Variants in MYH7B observed in about 807,000 individuals in gnomAD.
MYH7B encodes the protein myosin-7B.
A neutral mutation model predicts 234.5 loss-of-function variants in MYH7B; 205 were observed. That is an observed-to-expected ratio of 0.87 (90% CI 0.78 to 0.98). The LOEUF (loss-of-function observed/expected upper bound fraction) is 0.98. MYH7B is among the 50% of genes least tolerant of loss of function. MYH7B has a pLI of 0.00. For missense variants in MYH7B, 2,652 were observed against 2,633.4 expected (o/e 1.01, Z -0.15); for synonymous variants, 1,193 against 1,105.0 (o/e 1.08, Z -1.58).
chr20:34,965,565 G>C (rs1160393471), intron 2 of MYH7B, among the ~76,000 whole-genome samples: 1 of 152,260 alleles, frequency 6.6e-6, no homozygotes, highest in Non-Finnish European at 1.5e-5. Context: ...TGGGTCTCAA[G>C]AAAGACCTGT....
At chr20:34,982,235 C>G (rs1031054959) in intron 9 of MYH7B, among the ~76,000 whole-genome samples, 1 of 152,116 alleles carries the variant, frequency 6.6e-6, no homozygotes, top group Non-Finnish European at 1.5e-5. Context: ...AAGTGCCGGG[C>G]ACTGAGTTAG....
At chr20:34,984,079 G>C (rs1004189464) in intron 10 of MYH7B, among the ~76,000 whole-genome samples, 19 of 152,234 alleles carry the variant, frequency 1.2e-4, no homozygotes, top group Non-Finnish European at 2.4e-4. Flanking sequence ...CTGACTTGCT[G>C]TGTGGCCTTG....
intron 2 of MYH7B, among the ~76,000 whole-genome samples, chr20:34,972,776 C>T (rs1007216117): frequency 5.3e-5 from 8 of 152,036 alleles, no homozygotes; most frequent in African/African-American, 1.9e-4. Context: ...AGATTGTAGG[C>T]GTGTACCATC....
rs762141711 is a variant in MYH7B at position 34,998,522 on chromosome 20, C to T, written c.3886C>T (p.Arg1296Cys). 26 of 1,613,410 alleles carry T rather than the reference C, an allele frequency of 1.6e-5. No homozygotes were observed. The highest frequency in any genetic ancestry group is 1.1e-4 in the African/African-American group (8 of 74,952). Reference sequence around the variant, plus strand: ...CTCTTTGCCTGCAGGGGAGCTGAGTCGCCTGCTAGAGGAGAAGGAGTGTCT... The same window carrying T: ...CTCTTTGCCTGCAGGGGAGCTGAGTTGCCTGCTAGAGGAGAAGGAGTGTCT... The change falls in exon 34 of 45, where the codon CGC becomes TGC. Residue 1296 changes from arginine (R) to cysteine (C), a missense_variant. Around this residue, in one of 3 missense-constraint regions of MYH7B, gnomAD observed 2,279 missense variants for 2,211.4 expected, o/e 1.03. Transcript: ENST00000262873.
intron 37 of MYH7B, 39 bp from the exon 38 acceptor site, chr20:34,999,752 C>CCA: frequency 3.3e-6 from 1 of 305,238 alleles, no homozygotes; most frequent in Non-Finnish European, 4.5e-6. Context: ...ACTGGCCATC[C>CCA]CCCCCCCCCA....
chr20:34,984,674 T>A lies in MYH7B; in HGVS notation c.625-18T>A, dbSNP rs1343955125. The A allele has an allele frequency of 6.2e-7, 1 of 1,602,356 alleles. No homozygotes were observed. The highest frequency in any genetic ancestry group is 1.1e-5 in the South Asian group (1 of 89,520). On this transcript the variant is annotated intron_variant, in intron 10 of 44. Transcript: ENST00000262873. Reference sequence around the variant, plus strand: ...CCGGAGGCCTGGCCCTCTAATGTTGTCTGTCTTCTTCCCCCAGCAATTTCT... The same window carrying A: ...CCGGAGGCCTGGCCCTCTAATGTTGACTGTCTTCTTCCCCCAGCAATTTCT...
At position 34,979,646 on chromosome 20, in the gene MYH7B, C is replaced by G. The variant is rs2081910793; in HGVS notation, c.199-15C>G. The G allele has an allele frequency of 6.2e-7, 1 of 1,613,830 alleles. No homozygotes were observed. The highest frequency in any genetic ancestry group is 8.5e-7 in the Non-Finnish European group (1 of 1,179,932). On this transcript the variant is annotated splice_polypyrimidine_tract_variant and intron_variant, in intron 6 of 44. Transcript: ENST00000262873. ...CCTCCCGGTCCCCCGGCCCCTGACACGATCTCCCTGGTAGGTGCTGATGGT... is the reference window on the plus strand; with the variant it reads ...CCTCCCGGTCCCCCGGCCCCTGACAGGATCTCCCTGGTAGGTGCTGATGGT...
intron 16 of MYH7B, 85 bp downstream of exon 16, chr20:34,987,372 C>A: frequency 6.4e-7 from 1 of 1,557,840 alleles, no homozygotes; most frequent in Non-Finnish European, 8.7e-7. Context: ...TGTCCACAAC[C>A]TTTAACCTCA....
chr20:34,985,623 C>T (rs1168360860), intron 13 of MYH7B, among the ~76,000 whole-genome samples: 1 of 152,060 alleles, frequency 6.6e-6, no homozygotes, highest in Non-Finnish European at 1.5e-5. Flanking sequence ...AGGCCACACT[C>T]AAGGGGGCCA....
At chr20:34,995,906 G>A (rs1321419815) in intron 28 of MYH7B, among the ~76,000 whole-genome samples, 4 of 152,200 alleles carry the variant, frequency 2.6e-5, no homozygotes, top group Admixed American at 6.5e-5. Flanking sequence ...TCCCCAGCTC[G>A]GCATCCCGCA....
In MYH7B at chr20:34,984,962, G is replaced by A. The variant is rs752818359; in HGVS notation, c.741+16G>A. 9.3e-6 allele frequency: 15 copies of A among 1,611,988 alleles called. No individual in the cohort carries two copies. The highest frequency in any genetic ancestry group is 1.3e-5 in the Non-Finnish European group (15 of 1,178,228). On this transcript the variant is annotated intron_variant, in intron 12 of 44. Transcript: ENST00000262873. ...CTCCCGCTTTGTGAGTGGCTGAGGT[G>A]GGAGGGGTGGCGGGGATGCCGTAGG... is the stretch of plus-strand genomic sequence containing the variant.
chr20:35,000,731 G>C, intron 39 of MYH7B, 37 bp from the exon 40 acceptor site: 1 of 1,596,122 alleles, frequency 6.3e-7, no homozygotes, highest in Non-Finnish European at 8.6e-7. Flanking sequence ...GTGCAGGCCT[G>C]CTGGCTGGCT....
At position 34,996,370 on chromosome 20, in the gene MYH7B, G is replaced by A. The variant is rs566478593; in HGVS notation, c.2968G>A (p.Ala990Thr). ...GGTGAAGAACCTGACGGAAGAGATGGCTGCGCTGGACGAGTCAGTGGCCCG... is the reference window on the plus strand; with the variant it reads ...GGTGAAGAACCTGACGGAAGAGATGACTGCGCTGGACGAGTCAGTGGCCCG... Residue 990 changes from alanine to threonine, a missense_variant, in exon 29 of 45, where the codon GCT (alanine) becomes ACT (threonine). Around this residue, in one of 3 missense-constraint regions of MYH7B, gnomAD observed 2,279 missense variants for 2,211.4 expected, o/e 1.03. Transcript: ENST00000262873. 22 of 1,602,714 alleles carry A rather than the reference G, an allele frequency of 1.4e-5. No individual in the cohort carries two copies. In the African/African-American group the frequency reaches 2.8e-4, roughly 20 times the overall value.
exon 25 of MYH7B, chr20:34,993,165 A>G: frequency 6.2e-7 from 1 of 1,613,974 alleles, no homozygotes; most frequent in Non-Finnish European, 8.5e-7. Context: ...GGAAGGCCAC[A>G]GAGAAACTGC....
In MYH7B at chr20:34,989,861, G is replaced by A. The variant is rs759861137; in HGVS notation, c.1709G>A (p.Arg570Gln). The A allele has an allele frequency of 5.8e-5, 94 of 1,614,016 alleles. No individual in the cohort carries two copies. Among genetic ancestry groups the A allele is most frequent in the African/African-American group, 8.0e-5 (6 of 74,916 alleles). Residue 570 changes from arginine to glutamine, a missense_variant, in exon 20 of 45, where the codon CGG becomes CAG. Arg to Gln is a conservative substitution (Grantham distance 43, BLOSUM62 1). This residue lies in a region of MYH7B where 2,279 missense variants were observed against 2,211.4 expected (regional missense o/e 1.03). Transcript: ENST00000262873. ...AAGTCACCCAATTTCCAGCAGCCTC[G>A]GCCTGACAAGAAGCGCAAGTACCAG...
Position 34,987,676 on chromosome 20 carries a change from G to T in MYH7B, c.1266+1G>T. 6.2e-7 allele frequency: 1 copy of T among 1,612,776 alleles called. No individual in the cohort carries two copies. ...GACCAAGGGCCAGAGTGTGGAGCAG[G>T]TGAGCTGCCTGCAGGCCAAACCCAT... On this transcript the variant is annotated splice_donor_variant, in intron 17 of 44. Coordinates refer to ENST00000262873, the Ensembl canonical transcript of MYH7B. LOFTEE classifies it high-confidence loss of function.
At chr20:34,979,194 G>A (rs1303263988) in intron 5 of MYH7B, among the ~76,000 whole-genome samples, 196 bp from the exon 6 acceptor site, 1 of 152,138 alleles carries the variant, frequency 6.6e-6, no homozygotes, top group Non-Finnish European at 1.5e-5. Context: ...CTCCAATAAG[G>A]GGATCTCTAG....
chr20:34,981,905 C>A (rs1426623027), intron 9 of MYH7B: 14 of 150,838 alleles, frequency 9.3e-5, no homozygotes, highest in Admixed American at 9.2e-4. Context: ...CAGACGGGCC[C>A]GGCTGAGTGT....
At chr20:34,956,872 T>C (rs1048890785) in intron 1 of MYH7B, among the ~76,000 whole-genome samples, 3 of 152,130 alleles carry the variant, frequency 2.0e-5, no homozygotes, top group Non-Finnish European at 4.4e-5. Context: ...CTGGGCAACA[T>C]GGCGAAACCC....
Sources: allele counts gnomAD v4.1 joint callset (sites outside exome capture counted in the v4.1 genomes callset), GRCh38; gene constraint gnomAD v4.1.1; regional missense constraint gnomAD v4.1.1; transcripts MANE v1.5; gene names NCBI Gene and HGNC (gene_info 2026-07-23, HGNC 2026-07-21).